The following CELSR1 variants were observed in gnomAD, a reference collection of about 807,000 sequenced individuals.
CELSR1 encodes the protein cadherin EGF LAG seven-pass G-type receptor 1.
In CELSR1, 110 loss-of-function variants were observed where a neutral mutation model predicts 249.1. The observed-to-expected ratio is 0.44, with a 90% CI of 0.38 to 0.52. The LOEUF (loss-of-function observed/expected upper bound fraction) is 0.52. Among genes scored for constraint, CELSR1 ranks in the 20% least tolerant of loss-of-function variants. CELSR1 has a pLI of 0.00. For synonymous variants in CELSR1, 2,113 were observed against 1,900.0 expected (o/e 1.11, Z -2.92); for missense variants, 4,109 against 4,296.4 (o/e 0.96, Z 1.22).
At chr22:46,467,740 T>C (rs1368625203) in intron 1 of CELSR1, among the ~76,000 whole-genome samples, 10 of 151,960 alleles carry the variant, frequency 6.6e-5, no homozygotes, top group African/African-American at 2.2e-4. Flanking sequence ...GAGAATGGCA[T>C]GAACCTGGGA....
In CELSR1 at chr22:46,365,260, GC is replaced by G; in HGVS notation, c.8524del (p.Ala2842ProfsTer41). 6.2e-7 allele frequency: 1 copy of G among 1,612,412 alleles called. No individual in the cohort carries two copies. The highest frequency in any genetic ancestry group is 8.5e-7 in the Non-Finnish European group (1 of 1,179,916). On this transcript the variant is annotated frameshift_variant, in exon 32 of 35. Coordinates refer to ENST00000674500, the MANE Select transcript of CELSR1 (RefSeq NM_001378328.1). LOFTEE classifies it high-confidence loss of function. ...GVGAEEKWDP[A>X]RGAVHSTPKG... ...GGGGGTGCTGTGGACGGCGCCCCTG[GC>G]CGGGTCCCATTTTTCCTCAGCTCCC...
In CELSR1 at chr22:46,440,494, C is replaced by T. The variant is rs1405869152; in HGVS notation, c.4184-1083G>A. On this transcript the variant is annotated intron_variant, in intron 2 of 34. Transcript: ENST00000674500. The surrounding 1 kb of genome is among the most constrained non-coding windows in gnomAD (Gnocchi z 4.7). The stretch of plus-strand genomic sequence containing the variant: ...GATTACAGGCGTGAGCCACCGCGCC[C>T]GGCCAGTATGATCAATCTTTAAAAT... 2.6e-5 allele frequency among the ~76,000 whole-genome samples: 4 copies of T among 152,208 alleles called. No individual in the cohort carries two copies. Among genetic ancestry groups the T allele is most frequent in the Admixed American group, 6.5e-5 (1 of 15,286 alleles).
At chr22:46,364,835 A>G (rs1445931592) in intron 32 of CELSR1, 99 bp from the exon 33 acceptor site, 15 of 1,201,230 alleles carry the variant, frequency 1.2e-5, no homozygotes, top group Admixed American at 2.2e-5. Flanking sequence ...CCTCTCCCCA[A>G]CCTGCAGGCC....
In CELSR1 at chr22:46,426,318, T is replaced by C. The variant is rs151035802; in HGVS notation, c.4611+7075A>G. On this transcript the variant is annotated intron_variant, in intron 5 of 34. Transcript: ENST00000674500. Reference sequence around the variant, plus strand: ...AACAAGAATGACCTCTAACTCTGCTTGGGTTGCTGTAACAGAGGCTGAGCG... The same window carrying C: ...AACAAGAATGACCTCTAACTCTGCTCGGGTTGCTGTAACAGAGGCTGAGCG... Among the ~76,000 whole-genome samples the C allele has an allele frequency of 3.6e-3, 545 of 152,322 alleles. 4 individuals are homozygous for C. The highest frequency in any genetic ancestry group is 5.4e-3 in the Non-Finnish European group (368 of 68,028).
intron 4 of CELSR1, among the ~76,000 whole-genome samples, chr22:46,435,112 C>T (rs991926505): frequency 4.6e-5 from 7 of 151,702 alleles, no homozygotes; most frequent in African/African-American, 1.7e-4. Context: ...GTTTAATGGC[C>T]TTGTCGATAT....
chr22:46,414,561 G>C (rs8137916), intron 5 of CELSR1, among the ~76,000 whole-genome samples: 2,236 of 151,068 alleles, frequency 0.015, 50 homozygotes, highest in Middle Eastern at 0.049. Flanking sequence ...CTCTCGGCGA[G>C]TGTGGGTTAA....
chr22:46,518,643 G>A lies in CELSR1; in HGVS notation c.3544+14984C>T. Among the ~76,000 whole-genome samples the A allele has an allele frequency of 6.6e-6, 1 of 152,214 alleles. No homozygotes were observed. The highest frequency in any genetic ancestry group is 2.4e-5 in the African/African-American group (1 of 41,460). On this transcript the variant is annotated intron_variant, in intron 1 of 34. Transcript: ENST00000674500. This position sits in a 1 kb window ranked among gnomAD's most constrained non-coding sequence, Gnocchi z 5.2. ...AAATTAAGATGGGGCCAGGCACGGT[G>A]GCCCACGCCTGTAATCCGAGTGTGG...
At chr22:46,522,706 C>A (rs1179442763) in intron 1 of CELSR1, among the ~76,000 whole-genome samples, 11 of 152,224 alleles carry the variant, frequency 7.2e-5, no homozygotes, top group African/African-American at 2.7e-4. Context: ...GATCTCCAGG[C>A]TGGATCTCTG....
At chr22:46,529,204 T>G (rs2080768294) in intron 1 of CELSR1, among the ~76,000 whole-genome samples, 1 of 151,126 alleles carries the variant, frequency 6.6e-6, no homozygotes, top group South Asian at 2.1e-4. Flanking sequence ...AGGCGGAGCT[T>G]GCAGTGAGCC....
At chr22:46,511,875 A>G (rs1166370955) in intron 1 of CELSR1, among the ~76,000 whole-genome samples, 1 of 152,156 alleles carries the variant, frequency 6.6e-6, no homozygotes, top group Non-Finnish European at 1.5e-5. Context: ...CTCGGTCATT[A>G]GACACAATGA....
At position 46,411,593 on chromosome 22, in the gene CELSR1, G is replaced by A. The variant is rs2079335875; in HGVS notation, c.4769+9C>T. The A allele has an allele frequency of 1.2e-6, 2 of 1,614,030 alleles. No individual in the cohort carries two copies. The highest frequency in any genetic ancestry group is 1.7e-6 in the Non-Finnish European group (2 of 1,180,006). On this transcript the variant is annotated intron_variant, in intron 6 of 34. Coordinates refer to ENST00000674500, the MANE Select transcript of CELSR1 (RefSeq NM_001378328.1). The surrounding 1 kb of genome is among the most constrained non-coding windows in gnomAD (Gnocchi z 4.2). Reference sequence around the variant, plus strand: ...GGACCCCCAGGGCCTCCCCTCCTGGGATGCTCACTTCTTGGAGCCGGTCTG... The same window carrying A: ...GGACCCCCAGGGCCTCCCCTCCTGGAATGCTCACTTCTTGGAGCCGGTCTG...
intron 1 of CELSR1, among the ~76,000 whole-genome samples, chr22:46,520,981 T>G (rs1452450348): frequency 4.6e-5 from 7 of 152,210 alleles, no homozygotes; most frequent in Admixed American, 3.3e-4. Context: ...ACAGAATTTG[T>G]GCTTTTCAGT....
chr22:46,372,874 C>A lies in CELSR1; in HGVS notation c.7759+9G>T. The A allele has an allele frequency of 6.3e-7, 1 of 1,597,946 alleles. No individual in the cohort carries two copies. ...TGGTTTTATGCAGGGCCACTCTGTG[C>A]ATCCTCACCTGTGACAATGGCCGGG... On this transcript the variant is annotated intron_variant, in intron 25 of 34. Coordinates refer to ENST00000674500, the MANE Select transcript of CELSR1 (RefSeq NM_001378328.1).
chr22:46,483,444 T>C (rs1215384195), intron 1 of CELSR1, among the ~76,000 whole-genome samples: 1 of 134,180 alleles, frequency 7.5e-6, no homozygotes. Context: ...CAGGCTGGAG[T>C]GCAGTGGCAG....
At position 46,440,005 on chromosome 22, in the gene CELSR1, C is replaced by T. The variant is rs1007277053; in HGVS notation, c.4184-594G>A. ...AACCCGGTTCTAATCTGGCCCGTCT[C>T]GCCCACCAGCCTGTGAGCTCCTGAA... On this transcript the variant is annotated intron_variant, in intron 2 of 34. Coordinates refer to ENST00000674500, the MANE Select transcript of CELSR1 (RefSeq NM_001378328.1). This position sits in a 1 kb window ranked among gnomAD's most constrained non-coding sequence, Gnocchi z 4.7. 3.9e-5 allele frequency among the ~76,000 whole-genome samples: 6 copies of T among 152,004 alleles called. No homozygotes were observed. Among genetic ancestry groups the T allele is most frequent in the East Asian group, 3.9e-4 (2 of 5,188 alleles).
rs1192776655 is a variant in CELSR1 at position 46,374,898 on chromosome 22, G to A, written c.7585-1841C>T. ...CACACGGAGCCCCCGCCAGCCCGGG[G>A]CCTCGGCCTCGGGAAGCACCTGGGA... On this transcript the variant is annotated intron_variant, in intron 24 of 34. Coordinates refer to ENST00000674500, the MANE Select transcript of CELSR1 (RefSeq NM_001378328.1). This position sits in a 1 kb window ranked among gnomAD's most constrained non-coding sequence, Gnocchi z 4.3. Among the ~76,000 whole-genome samples, 2 of 152,192 alleles carry A rather than the reference G, an allele frequency of 1.3e-5. No individual in the cohort carries two copies. The highest frequency in any genetic ancestry group is 1.3e-4 in the Admixed American group (2 of 15,284).
rs188645936 is a variant in CELSR1, at chr22:46,529,633, T to C, written c.3544+3994A>G. ...GCCTGGCCAACATGGTGAAACCTTG[T>C]CTCTAAGAAACATACAAAAATTAGC... On this transcript the variant is annotated intron_variant, in intron 1 of 34. Coordinates refer to ENST00000674500, the MANE Select transcript of CELSR1 (RefSeq NM_001378328.1). Among the ~76,000 whole-genome samples the C allele has an allele frequency of 2.0e-5, 3 of 151,944 alleles. No homozygotes were observed. The East Asian group carries it at 5.9e-4, about 30-fold the overall frequency.
chr22:46,526,633 C>A lies in CELSR1; in HGVS notation c.3544+6994G>T, dbSNP rs713640. On this transcript the variant is annotated intron_variant, in intron 1 of 34. Transcript: ENST00000674500. This position sits in a 1 kb window ranked among gnomAD's most constrained non-coding sequence, Gnocchi z 4.7. ...CACGGATGACCCCCTCGGAGACACT[C>A]GCCCTCCCTCAGCCTCCAGGGCCTG... is the stretch of plus-strand genomic sequence containing the variant. Among the ~76,000 whole-genome samples, 2 of 151,974 alleles carry A rather than the reference C, an allele frequency of 1.3e-5. No homozygotes were observed. The highest frequency in any genetic ancestry group is 2.9e-5 in the Non-Finnish European group (2 of 67,988).
chr22:46,456,948 T>G, intron 2 of CELSR1, among the ~76,000 whole-genome samples: 1 of 150,502 alleles, frequency 6.6e-6, no homozygotes, highest in African/African-American at 2.4e-5. Context: ...GCCTAGGGAG[T>G]TGGTACAAAG....
Sources: allele counts gnomAD v4.1 joint callset (sites outside exome capture counted in the v4.1 genomes callset), GRCh38; gene constraint gnomAD v4.1.1; non-coding constraint Gnocchi (gnomAD v3.1); transcripts MANE v1.5; gene names NCBI Gene and HGNC (gene_info 2026-07-23, HGNC 2026-07-21).